The following POU1F1 variants were observed in gnomAD, a reference collection of about 807,000 sequenced individuals.
POU1F1 encodes pituitary-specific positive transcription factor 1.
Under a neutral mutation model 32.3 loss-of-function variants are expected in POU1F1, and 23 were observed. That is an observed-to-expected ratio of 0.71 (90% CI 0.51 to 1.01). POU1F1 has a LOEUF of 1.01. Ranked by LOEUF, POU1F1 falls within the 50% of genes least tolerant of loss-of-function variation. The pLI, the probability that POU1F1 is intolerant of heterozygous loss-of-function variation, is 0.00. For synonymous variants in POU1F1, 120 were observed against 115.6 expected, an observed-to-expected ratio of 1.04 and a Z score of -0.25; for missense variants, 323 against 341.6, an observed-to-expected ratio of 0.95 and a Z score of 0.43.
chr3:87,265,590 CCATGGGTTCTGCATT>C (rs1193498529), intron 2 of POU1F1, among the ~76,000 whole-genome samples: 1 of 151,816 alleles, frequency 6.6e-6, no homozygotes, highest in East Asian at 1.9e-4. Context: ...CCTTCCATAT[CCATGGGTTCTGCATT>C]CATGGATTGA....
At chr3:87,273,318 A>C (rs1265176026) in intron 2 of POU1F1, 29 bp downstream of exon 2, 13 of 1,596,072 alleles carry the variant, frequency 8.1e-6, no homozygotes, top group Non-Finnish European at 1.1e-5. Flanking sequence ...CCCCAAATTC[A>C]ATAACATGTA....
Position 87,260,022 on chromosome 3 carries a change from CT to C in POU1F1, c.747del (p.Glu250AsnfsTer2), listed in dbSNP as rs587776798. On this transcript the variant is annotated frameshift_variant, in exon 6 of 6. Coordinates refer to ENST00000350375, the MANE Select transcript of POU1F1 (RefSeq NM_000306.4). LOFTEE classifies it high-confidence loss of function. ...PSSQEIMRMA[E>X]ELNLEKEVVR... is the part of the protein sequence containing the mutation. ...ACTACTTCTTTCTCCAGATTCAGTT[CT>C]TCAGCCATCCTCATGATCTCTTGAG... The C allele has an allele frequency of 3.7e-6, 6 of 1,614,102 alleles. No individual in the cohort carries two copies. In the South Asian group the frequency reaches 6.6e-5, roughly 18 times the overall value.
intron 1 of POU1F1, among the ~76,000 whole-genome samples, chr3:87,274,643 A>T (rs911547304): frequency 3.3e-5 from 5 of 151,714 alleles, no homozygotes; most frequent in South Asian, 2.1e-4. Flanking sequence ...ATTACTGTGC[A>T]TTCCAAAATT....
intron 1 of POU1F1, among the ~76,000 whole-genome samples, chr3:87,275,626 T>C (rs1706812331): frequency 6.6e-6 from 1 of 152,102 alleles, no homozygotes; most frequent in Non-Finnish European, 1.5e-5. Flanking sequence ...ATTTGGCTGA[T>C]TGTGTTGAGC....
chr3:87,262,627 A>G (rs1180203759), intron 3 of POU1F1, among the ~76,000 whole-genome samples: 2 of 152,102 alleles, frequency 1.3e-5, no homozygotes, highest in Admixed American at 6.6e-5. Context: ...ACTATAATGC[A>G]TAAAATATAC....
intron 2 of POU1F1, among the ~76,000 whole-genome samples, chr3:87,266,446 A>C (rs896719710): frequency 6.7e-6 from 1 of 150,010 alleles, no homozygotes; most frequent in Non-Finnish European, 1.5e-5. Context: ...TTTCTAAAAC[A>C]AAGTAAACAT....
rs775878145 is a variant in POU1F1 at position 87,261,303 on chromosome 3, TC to T, written c.634del (p.Glu212LysfsTer10). 1.3e-6 allele frequency: 2 copies of T among 1,592,136 alleles called. No homozygotes were observed. Among genetic ancestry groups the T allele is most frequent in the Non-Finnish European group, 1.7e-6 (2 of 1,164,504 alleles). On this transcript the variant is annotated frameshift_variant, in exon 5 of 6. Coordinates refer to ENST00000350375, the MANE Select transcript of POU1F1 (RefSeq NM_000306.4). LOFTEE classifies it high-confidence loss of function. Reference protein sequence around the residue: ...ALYNEKVGANERKRKRRTTIS... With the variant: ...ALYNEKVGANXRKRKRRTTIS... Reference sequence around the variant, plus strand: ...AGTTGTTCTTCGTTTTCTTTTCCTTTCATTTGCTCCCACTTTTTCATTGTAC... The same window carrying T: ...AGTTGTTCTTCGTTTTCTTTTCCTTTATTTGCTCCCACTTTTTCATTGTAC...
chr3:87,271,491 T>G (rs1460064602), intron 2 of POU1F1, among the ~76,000 whole-genome samples: 1 of 152,168 alleles, frequency 6.6e-6, no homozygotes, highest in Admixed American at 6.6e-5. Context: ...GCCTCTGTGC[T>G]GGGTTAAGAG....
chr3:87,273,619 T>A, intron 1 of POU1F1: 1 of 989,254 alleles, frequency 1.0e-6, no homozygotes, highest in Non-Finnish European at 1.5e-6. Context: ...CTCTGACGAG[T>A]AGGTTAAAAC....
chr3:87,264,038 G>A (rs1225490706), intron 3 of POU1F1, among the ~76,000 whole-genome samples: 2 of 151,700 alleles, frequency 1.3e-5, no homozygotes, highest in East Asian at 3.9e-4. Flanking sequence ...GATAAAAATG[G>A]GCACTTCAAA....
rs768471285 is a variant in POU1F1, at chr3:87,264,460, T to G, written c.267A>C (p.Gly89=). The G allele has an allele frequency of 6.2e-7, 1 of 1,613,470 alleles. No homozygotes were observed. Among genetic ancestry groups the G allele is most frequent in the Non-Finnish European group, 8.5e-7 (1 of 1,179,544 alleles). The change falls in exon 3 of 6, where the codon GGA becomes GGC. Residue 89 remains glycine, a synonymous_variant. Coordinates refer to ENST00000350375, the MANE Select transcript of POU1F1 (RefSeq NM_000306.4). Reference sequence around the variant, plus strand: ...GAAGAGGCTGGTGTATAGGAGGAAATCCATGACTCAAGGTGTGGTCAGGAA... The same window carrying G: ...GAAGAGGCTGGTGTATAGGAGGAAAGCCATGACTCAAGGTGTGGTCAGGAA... The part of the protein sequence containing the change: ...YKFPDHTLSH[G]FPPIHQPLLA...
chr3:87,259,925 G>C lies in POU1F1; in HGVS notation c.845C>G (p.Ser282Cys), dbSNP rs752075780. The C allele has an allele frequency of 6.2e-7, 1 of 1,614,050 alleles. No individual in the cohort carries two copies. The highest frequency in any genetic ancestry group is 2.2e-5 in the East Asian group (1 of 44,872). The change falls in exon 6 of 6, where the codon TCT (serine) becomes TGT (cysteine). Residue 282 changes from serine (S) to cysteine (C), a missense_variant. Transcript: ENST00000350375. ...VKTSLNQSLFSISKEHLECR is the reference protein window; with the variant it reads ...VKTSLNQSLFCISKEHLECR ...GCACTCAAGATGTTCCTTAGAAATA[G>C]AAAATAAACTCTGATTCAGACTTGT... is the stretch of plus-strand genomic sequence containing the variant.
intron 2 of POU1F1, among the ~76,000 whole-genome samples, chr3:87,271,179 A>G (rs977288722): frequency 6.6e-6 from 1 of 152,088 alleles, no homozygotes; most frequent in African/African-American, 2.4e-5. Context: ...TGAAATGAGG[A>G]AGAGGTTCGT....
intron 1 of POU1F1, among the ~76,000 whole-genome samples, chr3:87,274,060 G>A (rs920255179): frequency 6.6e-6 from 1 of 152,110 alleles, no homozygotes; most frequent in African/African-American, 2.4e-5. Context: ...TTATTTTGAT[G>A]TTGAAACCAT....
chr3:87,260,068 T>C lies in POU1F1; in HGVS notation c.702A>G (p.Gly234=), dbSNP rs750719768. Reference sequence around the variant, plus strand: ...CTTGAGAAGAAGGTTTATTCTGTTCTCCAAAGTGTCTCTCCAGAGCATCTT... The same window carrying C: ...CTTGAGAAGAAGGTTTATTCTGTTCCCCAAAGTGTCTCTCCAGAGCATCTT... ...AAKDALERHF[G]EQNKPSSQEI... is the part of the protein sequence containing the mutation. The change falls in exon 6 of 6, where the codon GGA becomes GGG. Residue 234 remains glycine, a synonymous_variant. Coordinates refer to ENST00000350375, the MANE Select transcript of POU1F1 (RefSeq NM_000306.4). 8.1e-6 allele frequency: 13 copies of C among 1,613,836 alleles called. No homozygotes were observed. Among genetic ancestry groups the C allele is most frequent in the African/African-American group, 6.7e-5 (5 of 74,892 alleles).
chr3:87,270,214 G>T (rs1575981256), intron 2 of POU1F1, among the ~76,000 whole-genome samples: 1 of 152,122 alleles, frequency 6.6e-6, no homozygotes, highest in South Asian at 2.1e-4. Context: ...GGGCAAAAGA[G>T]AAATCATTTT....
rs1706480633 is a variant in POU1F1, at chr3:87,260,077, T to G, written c.693A>C (p.Arg231Ser). The G allele has an allele frequency of 1.2e-6, 2 of 1,613,744 alleles. No homozygotes were observed. The highest frequency in any genetic ancestry group is 1.7e-6 in the Non-Finnish European group (2 of 1,179,946). The change falls in exon 6 of 6, where the codon AGA (arginine) becomes AGC (serine). Residue 231 changes from arginine to serine, a missense_variant. Physicochemically the swap from Arg to Ser is moderately radical, Grantham distance 110. Coordinates refer to ENST00000350375, the MANE Select transcript of POU1F1 (RefSeq NM_000306.4). The stretch of plus-strand genomic sequence containing the variant: ...AAGGTTTATTCTGTTCTCCAAAGTG[T>G]CTCTCCAGAGCATCTTTAGCAGCAA... ...ISIAAKDALERHFGEQNKPSS... is the reference protein window; with the variant it reads ...ISIAAKDALESHFGEQNKPSS...
intron 2 of POU1F1, among the ~76,000 whole-genome samples, chr3:87,267,802 C>T (rs1706651834): frequency 6.6e-6 from 1 of 152,060 alleles, no homozygotes; most frequent in Non-Finnish European, 1.5e-5. Context: ...GACGGGATCT[C>T]ACTATGTTGC....
intron 2 of POU1F1, among the ~76,000 whole-genome samples, chr3:87,268,147 C>T (rs1462856615): frequency 2.2e-5 from 3 of 136,908 alleles, no homozygotes; most frequent in Middle Eastern, 0.01. Flanking sequence ...GGAGTGCTCT[C>T]GGCTCACTGA....
Sources: gnomAD v4.1 joint callset for allele counts (sites outside exome capture counted in the v4.1 genomes callset) on GRCh38, gnomAD v4.1.1 for gene constraint, MANE v1.5 for transcripts, NCBI Gene and HGNC (gene_info 2026-07-23, HGNC 2026-07-21) for gene names.